CFAP54: variants seen among roughly 807,000 people sequenced by gnomAD.
The protein encoded by CFAP54 is cilia- and flagella-associated protein 54.
A neutral mutation model predicts 370.4 loss-of-function variants in CFAP54; 290 were observed. That is an observed-to-expected ratio of 0.78 (90% CI 0.71 to 0.86). The LOEUF is 0.86. Ranked by LOEUF, CFAP54 falls within the 40% of genes least tolerant of loss-of-function variation. CFAP54 has a pLI of 0.00. For missense variants in CFAP54, 3,399 were observed against 3,528.7 expected (o/e 0.96, Z 0.93); for synonymous variants, 1,206 against 1,236.5 (o/e 0.98, Z 0.52).
intron 30 of CFAP54, 145 bp from the exon 31 acceptor site, chr12:96,629,948 A>G (rs1956588033): frequency 2.4e-6 from 1 of 417,350 alleles, no homozygotes; most frequent in Admixed American, 4.0e-5. Context: ...CTGAACAGAG[A>G]TATCACAGTC....
At chr12:96,734,361 G>A (rs1171433602) in intron 50 of CFAP54, among the ~76,000 whole-genome samples, 5 of 152,150 alleles carry the variant, frequency 3.3e-5, no homozygotes, top group African/African-American at 1.2e-4. Context: ...TTTCTAGAAT[G>A]TCAGTTCCAC....
chr12:96,782,731 A>G (rs1252170217), intron 60 of CFAP54, among the ~76,000 whole-genome samples: 1 of 152,184 alleles, frequency 6.6e-6, no homozygotes, highest in Non-Finnish European at 1.5e-5. Context: ...TGACAAAGTG[A>G]TGCCAAAATT....
At chr12:96,556,269 T>A (rs1399952729) in intron 17 of CFAP54, among the ~76,000 whole-genome samples, 1 of 151,906 alleles carries the variant, frequency 6.6e-6, no homozygotes, top group Non-Finnish European at 1.5e-5. Context: ...TACATTTGGC[T>A]GCATTAATAT....
At chr12:96,766,706 G>T (rs747720986) in intron 60 of CFAP54, among the ~76,000 whole-genome samples, 3 of 152,106 alleles carry the variant, frequency 2.0e-5, no homozygotes, top group Non-Finnish European at 4.4e-5. Context: ...AATCTAAGAC[G>T]ATGACTGAAA....
intron 6 of CFAP54, among the ~76,000 whole-genome samples, chr12:96,520,152 T>C (rs1955288096): frequency 6.6e-6 from 1 of 152,190 alleles, no homozygotes; most frequent in East Asian, 1.9e-4. Flanking sequence ...CACACCACTA[T>C]GCCAAGCTAA....
intron 66 of CFAP54, among the ~76,000 whole-genome samples, chr12:96,835,126 A>G (rs1314079097): frequency 6.6e-6 from 1 of 151,882 alleles, no homozygotes; most frequent in African/African-American, 2.4e-5. Context: ...TCAGCAGAGA[A>G]TAGGCCCTGG....
chr12:96,602,577 T>C (rs1423895888), intron 26 of CFAP54, among the ~76,000 whole-genome samples: 1 of 152,176 alleles, frequency 6.6e-6, no homozygotes, highest in Non-Finnish European at 1.5e-5. Context: ...GCCATCATTA[T>C]TGTGTGGGAG....
At chr12:96,773,232 G>A (rs1482920678) in intron 60 of CFAP54, among the ~76,000 whole-genome samples, 1 of 133,154 alleles carries the variant, frequency 7.5e-6, no homozygotes, top group African/African-American at 3.1e-5. Flanking sequence ...GCTTTTGTTT[G>A]TTTCCTATAA....
At chr12:96,570,627 T>C (rs1202536680) in intron 19 of CFAP54, among the ~76,000 whole-genome samples, 1 of 152,208 alleles carries the variant, frequency 6.6e-6, no homozygotes, top group African/African-American at 2.4e-5. Context: ...TTATGCTCTC[T>C]TAAGATTCAA....
intron 64 of CFAP54, among the ~76,000 whole-genome samples, chr12:96,813,025 C>A (rs1433492623): frequency 6.6e-6 from 1 of 152,138 alleles, no homozygotes; most frequent in Non-Finnish European, 1.5e-5. Flanking sequence ...GTACAGGCTA[C>A]AGACCAGCAT....
chr12:96,661,279 A>G (rs1956992047), intron 38 of CFAP54, among the ~76,000 whole-genome samples: 1 of 152,182 alleles, frequency 6.6e-6, no homozygotes. Context: ...TTATTAGCAT[A>G]CAAAAAGATA....
Position 96,630,611 on chromosome 12 carries a change from T to G in CFAP54, c.4276T>G (p.Phe1426Val), listed in dbSNP as rs1956597279. The change falls in exon 32 of 68, where the codon TTT (phenylalanine) becomes GTT (valine). Residue 1426 changes from phenylalanine to valine, a missense_variant. Phe to Val is a conservative substitution (Grantham distance 50, BLOSUM62 -1). Around this residue, in one of 3 missense-constraint regions of CFAP54, gnomAD observed 2,796 missense variants for 2,869.7 expected, o/e 0.97. Coordinates refer to ENST00000524981, the MANE Select transcript of CFAP54 (RefSeq NM_001306084.2). ...KKKETLRDFI[F>V]KNPAISEMVA... ...AAAGGAAACTCTAAGAGATTTCATT[T>G]TTAAAAATCCGGCTATTTCTGAAAT... is the stretch of plus-strand genomic sequence containing the variant. The G allele has an allele frequency of 6.6e-7, 1 of 1,506,814 alleles. No individual in the cohort carries two copies. The highest frequency in any genetic ancestry group is 1.3e-5 in the South Asian group (1 of 77,990). 93.3% of individuals were successfully genotyped at this position (1,506,814 alleles called of 1,614,324 possible). A position where few individuals can be genotyped will look rare whatever the true frequency, so the allele number is the denominator to read the frequency against.
intron 66 of CFAP54, among the ~76,000 whole-genome samples, chr12:96,852,713 C>T (rs1253483957): frequency 2.0e-5 from 3 of 152,032 alleles, no homozygotes. Context: ...AATGGCAAGC[C>T]ACAGAGTGGG....
chr12:96,524,715 G>T (rs536640168), intron 8 of CFAP54, among the ~76,000 whole-genome samples: 115 of 152,232 alleles, frequency 7.6e-4, no homozygotes, highest in African/African-American at 2.7e-3. Context: ...ACTTGATGTT[G>T]GGAAATTAAC....
chr12:96,571,463 CAA>C (rs1370825799), intron 19 of CFAP54, among the ~76,000 whole-genome samples: 1 of 152,132 alleles, frequency 6.6e-6, no homozygotes, highest in Middle Eastern at 3.4e-3. Context: ...TTTCTTTTTT[CAA>C]AGTTACTGAA....
chr12:96,489,641 C>T lies in CFAP54; in HGVS notation c.32C>T (p.Pro11Leu), dbSNP rs1346913828. ...GCGCAGGGCTCCCCCTCGAGCTCTC[C>T]GTCAGACGACTCTACCACCTCGGGG... is the stretch of plus-strand genomic sequence containing the variant. MAAQGSPSSSPSDDSTTSGSL... is the reference protein window; with the variant it reads MAAQGSPSSSLSDDSTTSGSL... Residue 11 changes from proline (P) to leucine (L), a missense_variant, in exon 1 of 68, where the codon CCG becomes CTG. Pro to Leu is a moderately conservative substitution (Grantham distance 98). Transcript: ENST00000524981. 8.5e-6 allele frequency: 13 copies of T among 1,529,604 alleles called. No individual in the cohort carries two copies. Among genetic ancestry groups the T allele is most frequent in the East Asian group, 2.5e-5 (1 of 40,720 alleles). 94.8% of individuals were successfully genotyped at this position (1,529,604 alleles called of 1,614,324 possible).
chr12:96,630,748 A>G, intron 32 of CFAP54, 97 bp downstream of exon 32: 1 of 610,690 alleles, frequency 1.6e-6, no homozygotes, highest in Non-Finnish European at 2.5e-6. Context: ...TGGACCAGAC[A>G]GGTGAAATCA....
chr12:96,695,397 T>C (rs188723719), intron 45 of CFAP54, among the ~76,000 whole-genome samples: 1 of 152,350 alleles, frequency 6.6e-6, no homozygotes, highest in East Asian at 1.9e-4. Flanking sequence ...TATTTCTAAG[T>C]AAAGAAATTA....
intron 66 of CFAP54, among the ~76,000 whole-genome samples, chr12:96,850,897 C>T (rs938278400): frequency 6.6e-6 from 1 of 152,130 alleles, no homozygotes; most frequent in Non-Finnish European, 1.5e-5. Flanking sequence ...GAAACCACCC[C>T]CGTGATCCAA....
Sources: allele counts gnomAD v4.1 joint callset (sites outside exome capture counted in the v4.1 genomes callset), GRCh38; gene constraint gnomAD v4.1.1; regional missense constraint gnomAD v4.1.1; transcripts MANE v1.5; gene names NCBI Gene and HGNC (gene_info 2026-07-23, HGNC 2026-07-21).